The following SYNE3 variants were observed in gnomAD, a reference collection of about 807,000 sequenced individuals.
SYNE3 encodes the protein spectrin repeat containing nuclear envelope family member 3.
A neutral mutation model predicts 111.2 loss-of-function variants in SYNE3; 100 were observed. The observed-to-expected ratio is 0.90, with a 90% CI of 0.77 to 1.06. SYNE3 has a LOEUF of 1.06. SYNE3 is among the 50% of genes least tolerant of loss of function. SYNE3 has a pLI of 0.00. For missense variants in SYNE3, 1,160 were observed against 1,240.3 expected, an observed-to-expected ratio of 0.94 and a Z score of 0.97; for synonymous variants, 547 against 533.9, an observed-to-expected ratio of 1.02 and a Z score of -0.34.
At chr14:95,421,742 C>G (rs931997906) in intron 17 of SYNE3, among the ~76,000 whole-genome samples, 1 of 152,242 alleles carries the variant, frequency 6.6e-6, no homozygotes, top group Admixed American at 6.5e-5. Context: ...ACCATCATCA[C>G]CTCCAGTCCC....
At chr14:95,424,365 G>A (rs79407073) in intron 17 of SYNE3, among the ~76,000 whole-genome samples, 1,602 of 151,756 alleles carry the variant, frequency 0.011, 11 homozygotes, top group South Asian at 0.028. Flanking sequence ...GAGATAGTGT[G>A]CAAACCACAG....
At chr14:95,510,395 CA>C (rs1417414891) in intron 1 of SYNE3, among the ~76,000 whole-genome samples, 1 of 152,186 alleles carries the variant, frequency 6.6e-6, no homozygotes, top group Admixed American at 6.5e-5. Context: ...TGAAGCCAAG[CA>C]GTCCTGGAAC....
intron 1 of SYNE3, among the ~76,000 whole-genome samples, chr14:95,510,665 G>C (rs912766540): frequency 6.6e-6 from 1 of 152,170 alleles, no homozygotes; most frequent in Non-Finnish European, 1.5e-5. Flanking sequence ...GCAGGTGCCT[G>C]TAGTCCCAGC....
At chr14:95,466,548 G>A (rs1423637590) in intron 3 of SYNE3, among the ~76,000 whole-genome samples, 1 of 152,148 alleles carries the variant, frequency 6.6e-6, no homozygotes, top group Non-Finnish European at 1.5e-5. Flanking sequence ...TTGGGGAGCC[G>A]TTTACCTCCA....
chr14:95,502,599 C>T (rs868070171), intron 1 of SYNE3, among the ~76,000 whole-genome samples: 14 of 152,222 alleles, frequency 9.2e-5, no homozygotes, highest in South Asian at 2.1e-4. Flanking sequence ...GTGGGTGCCC[C>T]GCAAGCCCAC....
chr14:95,415,276 G>GCCCCCC lies in SYNE3; in HGVS notation c.*2544_*2549dup, dbSNP rs59220960. The stretch of plus-strand genomic sequence containing the variant: ...CATAGGAAAGTGGACACCTGGCAAG[G>GCCCCCC]CCCCCCCACCCACCCACCCTGCCAC... On this transcript the variant is annotated 3_prime_UTR_variant, in exon 18 of 18. Coordinates refer to ENST00000682763, the MANE Select transcript of SYNE3 (RefSeq NM_152592.6). 9 of 139,604 alleles carry GCCCCCC rather than the reference G, an allele frequency of 6.4e-5. No individual in the cohort carries two copies. The highest frequency in any genetic ancestry group is 2.4e-4 in the South Asian group (1 of 4,158). The allele number at this position is 139,604 out of a possible 1,614,324, so 8.6% of individuals were successfully genotyped here.
chr14:95,446,805 A>G (rs1886746867), intron 8 of SYNE3, among the ~76,000 whole-genome samples: 1 of 152,190 alleles, frequency 6.6e-6, no homozygotes, highest in South Asian at 2.1e-4. Context: ...TACCTCCTCC[A>G]GGAAGCCTTC....
In SYNE3 at chr14:95,470,016, G is replaced by T. The variant is rs1036400375; in HGVS notation, c.145-2049C>A. On this transcript the variant is annotated intron_variant, in intron 2 of 17. Coordinates refer to ENST00000682763, the MANE Select transcript of SYNE3 (RefSeq NM_152592.6). This position sits in a 1 kb window ranked among gnomAD's most constrained non-coding sequence, Gnocchi z 4.2. ...CATGTGAGTGGGAGGTGCTCAGGGA[G>T]AGTGAAGAATGGGGAGATTCCTCAA... Among the ~76,000 whole-genome samples, 4 of 152,224 alleles carry T rather than the reference G, an allele frequency of 2.6e-5. No homozygotes were observed. The highest frequency in any genetic ancestry group is 5.9e-5 in the Non-Finnish European group (4 of 68,042).
At chr14:95,427,252 T>C (rs1338554371) in intron 17 of SYNE3, among the ~76,000 whole-genome samples, 4 of 152,106 alleles carry the variant, frequency 2.6e-5, no homozygotes, top group African/African-American at 9.7e-5. Flanking sequence ...CAGACCGTGG[T>C]CTAGCGGTAG....
At chr14:95,508,345 T>A (rs918896862) in intron 1 of SYNE3, among the ~76,000 whole-genome samples, 1 of 152,202 alleles carries the variant, frequency 6.6e-6, no homozygotes, top group African/African-American at 2.4e-5. Context: ...TGGCACCCAA[T>A]GGACTCCATC....
At chr14:95,495,187 C>A (rs547806029) in intron 1 of SYNE3, among the ~76,000 whole-genome samples, 2 of 152,276 alleles carry the variant, frequency 1.3e-5, no homozygotes, top group East Asian at 3.9e-4. Flanking sequence ...TTCTCAAGAA[C>A]TGATTAAGCT....
Position 95,439,923 on chromosome 14 carries a change from G to T in SYNE3, c.2064C>A (p.Ala688=). ...GGAACCACCGCCTTACCTCAAACTC[G>T]GCCTCTTGGGACTCGGCATCCCCCG... The part of the protein sequence containing the change: ...AGPGDAESQE[A]EFERLVAEFP... The change falls in exon 12 of 18, where the codon GCC becomes GCA. Residue 688 remains alanine (A), a synonymous_variant. Coordinates refer to ENST00000682763, the MANE Select transcript of SYNE3 (RefSeq NM_152592.6). The T allele has an allele frequency of 6.2e-7, 1 of 1,612,238 alleles. No individual in the cohort carries two copies. Among genetic ancestry groups the T allele is most frequent in the African/African-American group, 1.3e-5 (1 of 75,006 alleles).
chr14:95,454,916 C>G (rs1434457652), intron 6 of SYNE3, among the ~76,000 whole-genome samples: 1 of 152,132 alleles, frequency 6.6e-6, no homozygotes, highest in Non-Finnish European at 1.5e-5. Context: ...CTGGGAAGCA[C>G]CCCCCACCAC....
chr14:95,408,306 A>C lies in SYNE3; in HGVS notation c.*9520T>G, dbSNP rs1040709884. On this transcript the variant is annotated 3_prime_UTR_variant, in exon 18 of 18. Coordinates refer to ENST00000682763, the MANE Select transcript of SYNE3 (RefSeq NM_152592.6). ...CCAAAGCTGGTATTGGAAACTTGCCATTTTCCCAACACACACACACAGAAA... is the reference window on the plus strand; with the variant it reads ...CCAAAGCTGGTATTGGAAACTTGCCCTTTTCCCAACACACACACACAGAAA... The C allele has an allele frequency of 6.6e-6, 1 of 151,806 alleles. No individual in the cohort carries two copies. Among genetic ancestry groups the C allele is most frequent in the African/African-American group, 2.4e-5 (1 of 41,310 alleles). The allele number at this position is 151,806 out of a possible 1,614,324, so 9.4% of individuals were successfully genotyped here.
At chr14:95,449,411 C>G in intron 8 of SYNE3, 1 of 984,814 alleles carries the variant, frequency 1.0e-6, no homozygotes, top group Non-Finnish European at 1.2e-6. Context: ...GCATCCGCGG[C>G]TCCATCCGGA....
intron 1 of SYNE3, 108 bp from the exon 2 acceptor site, chr14:95,475,943 C>T: frequency 8.7e-7 from 1 of 1,149,078 alleles, no homozygotes; most frequent in Non-Finnish European, 1.1e-6. Context: ...CAACCCTCCC[C>T]TGGTGCTCCC....
chr14:95,448,578 CTT>C (rs1886856943), intron 8 of SYNE3, among the ~76,000 whole-genome samples: 1 of 152,274 alleles, frequency 6.6e-6, no homozygotes, highest in East Asian at 1.9e-4. Context: ...ATCCCAGCTA[CTT>C]GGGAGGCTGA....
chr14:95,456,904 G>T (rs1013993944), intron 5 of SYNE3, among the ~76,000 whole-genome samples: 3 of 152,078 alleles, frequency 2.0e-5, no homozygotes, highest in African/African-American at 7.2e-5. Flanking sequence ...CTAACATGGT[G>T]AAACCCTGTC....
intron 8 of SYNE3, among the ~76,000 whole-genome samples, chr14:95,448,946 C>A (rs1173614901): frequency 1.3e-5 from 2 of 152,174 alleles, no homozygotes; most frequent in Admixed American, 6.5e-5. Flanking sequence ...CTTCACACAC[C>A]TTTACACTCT....
Sources: allele counts gnomAD v4.1 joint callset (sites outside exome capture counted in the v4.1 genomes callset), GRCh38; gene constraint gnomAD v4.1.1; non-coding constraint Gnocchi (gnomAD v3.1); transcripts MANE v1.5; gene names NCBI Gene and HGNC (gene_info 2026-07-23, HGNC 2026-07-21).